SUPT3H: variants seen among roughly 807,000 people sequenced by gnomAD.
SUPT3H encodes SPT3 homolog, SAGA and STAGA complex component, also known as transcription initiation protein SPT3 homolog.
Under a neutral mutation model 44.3 loss-of-function variants are expected in SUPT3H, and 44 were observed. The ratio of observed to expected loss-of-function variants is 0.99; its 90% CI spans 0.78 to 1.28. The LOEUF (loss-of-function observed/expected upper bound fraction) is 1.28, where lower values mean the gene tolerates loss of function less well. Ranked by LOEUF, SUPT3H falls within the 50% of genes most tolerant of loss-of-function variation. The pLI, the probability that SUPT3H is intolerant of heterozygous loss-of-function variation, is 0.00. For synonymous variants in SUPT3H, 124 were observed against 125.6 expected (o/e 0.99, Z 0.09); for missense variants, 380 against 387.1 (o/e 0.98, Z 0.15).
chr6:45,287,388 A>G (rs1779498766), intron 2 of SUPT3H, among the ~76,000 whole-genome samples: 1 of 152,214 alleles, frequency 6.6e-6, no homozygotes, highest in Admixed American at 6.5e-5. Context: ...AAACTGATAA[A>G]CAAAATGCTG....
At chr6:45,072,457 T>A (rs971697292) in intron 3 of SUPT3H, among the ~76,000 whole-genome samples, 1 of 152,174 alleles carries the variant, frequency 6.6e-6, no homozygotes. Context: ...AATATTGCAG[T>A]GAAAATTTCA....
At chr6:44,960,603 TA>T (rs1775892662) in intron 7 of SUPT3H, among the ~76,000 whole-genome samples, 1 of 152,020 alleles carries the variant, frequency 6.6e-6, no homozygotes, top group South Asian at 2.1e-4. Context: ...AAATATAATT[TA>T]AAAAAATAGT....
chr6:44,951,660 A>G (rs548397996), intron 9 of SUPT3H, among the ~76,000 whole-genome samples: 165 of 152,290 alleles, frequency 1.1e-3, no homozygotes, highest in Non-Finnish European at 1.6e-4. Flanking sequence ...ATTCCTCTCA[A>G]CTGCTGGGTA....
chr6:44,961,955 A>G, intron 6 of SUPT3H, 127 bp from the exon 7 acceptor site: 1 of 596,018 alleles, frequency 1.7e-6, no homozygotes. Context: ...TAGTACTACC[A>G]CATAGATCAC....
chr6:45,020,938 G>C (rs1323826463), intron 3 of SUPT3H, among the ~76,000 whole-genome samples: 2 of 151,876 alleles, frequency 1.3e-5, no homozygotes, highest in Admixed American at 1.3e-4. Flanking sequence ...ATGATTTCAT[G>C]AAATTTTATC....
chr6:44,809,748 C>T (rs1157209613), intron 11 of SUPT3H, among the ~76,000 whole-genome samples: 2 of 152,144 alleles, frequency 1.3e-5, no homozygotes, highest in Non-Finnish European at 2.9e-5. Flanking sequence ...AATCCACACT[C>T]CATAAATGCC....
intron 2 of SUPT3H, among the ~76,000 whole-genome samples, chr6:45,124,452 T>G (rs574988990): frequency 6.6e-6 from 1 of 151,856 alleles, no homozygotes; most frequent in Non-Finnish European, 1.5e-5. Flanking sequence ...AAGACCAGCC[T>G]GGCCAATATG....
chr6:44,924,786 G>C (rs923944259), intron 10 of SUPT3H, among the ~76,000 whole-genome samples: 2 of 151,760 alleles, frequency 1.3e-5, no homozygotes, highest in Admixed American at 1.3e-4. Context: ...CATATGTTTG[G>C]TTTCCAATCT....
At chr6:45,326,209 A>T (rs1786312073) in intron 2 of SUPT3H, among the ~76,000 whole-genome samples, 1 of 151,928 alleles carries the variant, frequency 6.6e-6, no homozygotes, top group Non-Finnish European at 1.5e-5. Context: ...AAGATGTTTC[A>T]GTGAATGCTA....
In SUPT3H at chr6:45,014,891, T is replaced by C. The variant is rs1373889123; in HGVS notation, c.274A>G (p.Lys92Glu). The change falls in exon 5 of 11, where the codon AAA becomes GAA. Residue 92 changes from lysine to glutamate, a missense_variant and splice_region_variant. Lys to Glu is a moderately conservative substitution (Grantham distance 56). Transcript: ENST00000371459. ...TATTTTAGCAGTCTTCTAAGTTTTTTCTATTAAAAATATAAAATAAGTAAA... is the reference window on the plus strand; with the variant it reads ...TATTTTAGCAGTCTTCTAAGTTTTTCCTATTAAAAATATAAAATAAGTAAA... The part of the protein sequence containing the change: ...DLLFLMRKDK[K>E]KLRRLLKYMF... The C allele has an allele frequency of 3.9e-6, 6 of 1,521,922 alleles. No homozygotes were observed. The highest frequency in any genetic ancestry group is 4.4e-6 in the Non-Finnish European group (5 of 1,135,558). 94.3% of individuals were successfully genotyped at this position (1,521,922 alleles called of 1,614,324 possible).
rs774806117 is a variant in SUPT3H, at chr6:44,828,916, G to GAGTT, written c.*896_*899dup. ...CTGCTATATTTTGGTTTGTTCCAAAGAGTTACGGTTCCTCATTTACTGGAG... is the reference window on the plus strand; with the variant it reads ...CTGCTATATTTTGGTTTGTTCCAAAGAGTTAGTTACGGTTCCTCATTTACTGGAG... On this transcript the variant is annotated 3_prime_UTR_variant, in exon 11 of 11. Transcript: ENST00000371459. The GAGTT allele has an allele frequency of 6.5e-5, 10 of 152,728 alleles. No homozygotes were observed. Among genetic ancestry groups the GAGTT allele is most frequent in the Middle Eastern group, 3.4e-3 (1 of 294 alleles). 9.5% of individuals were successfully genotyped at this position (152,728 alleles called of 1,614,324 possible).
At chr6:45,132,188 C>T (rs1730009451) in intron 2 of SUPT3H, among the ~76,000 whole-genome samples, 1 of 152,122 alleles carries the variant, frequency 6.6e-6, no homozygotes, top group African/African-American at 2.4e-5. Flanking sequence ...TTTTCCTGCT[C>T]CTGGCACTGG....
At chr6:44,941,278 T>C (rs908136685) in intron 9 of SUPT3H, among the ~76,000 whole-genome samples, 1 of 152,150 alleles carries the variant, frequency 6.6e-6, no homozygotes, top group Admixed American at 6.5e-5. Context: ...ATTAACCTTT[T>C]GTTTCCATGT....
At chr6:45,317,592 AG>A (rs541781912) in intron 2 of SUPT3H, among the ~76,000 whole-genome samples, 4 of 152,148 alleles carry the variant, frequency 2.6e-5, no homozygotes, top group Non-Finnish European at 4.4e-5. Flanking sequence ...AAATGAGGGA[AG>A]GATAGTCTCT....
At chr6:45,318,290 A>G (rs908158250) in intron 2 of SUPT3H, among the ~76,000 whole-genome samples, 1 of 152,132 alleles carries the variant, frequency 6.6e-6, no homozygotes, top group Admixed American at 6.6e-5. Flanking sequence ...TGCACAGAGG[A>G]TATTTAGGGC....
At chr6:45,019,779 A>C (rs1395975928) in intron 4 of SUPT3H, among the ~76,000 whole-genome samples, 1 of 152,026 alleles carries the variant, frequency 6.6e-6, no homozygotes, top group East Asian at 1.9e-4. Flanking sequence ...ACAACCTTGA[A>C]GTTTCATGAG....
chr6:45,076,430 A>C (rs374881372), intron 3 of SUPT3H, among the ~76,000 whole-genome samples: 4 of 151,998 alleles, frequency 2.6e-5, no homozygotes, highest in African/African-American at 9.7e-5. Flanking sequence ...TACATCCTAC[A>C]GGTAATGATT....
intron 5 of SUPT3H, among the ~76,000 whole-genome samples, chr6:45,009,795 C>A (rs922327467): frequency 6.6e-6 from 1 of 152,100 alleles, no homozygotes; most frequent in Non-Finnish European, 1.5e-5. Flanking sequence ...TTCTAGTTCC[C>A]TCACGACCTA....
rs752887669 is a variant in SUPT3H at position 45,295,524 on chromosome 6, C to CAAAAAAA, written c.101+69670_101+69676dup. 1.9e-3 allele frequency among the ~76,000 whole-genome samples: 78 copies of CAAAAAAA among 40,084 alleles called. 3 individuals carry two copies. Among genetic ancestry groups the CAAAAAAA allele is most frequent in the Admixed American group, 3.6e-3 (8 of 2,246 alleles). 26.3% of individuals were successfully genotyped at this position (40,084 alleles called of 152,430 possible). On this transcript the variant is annotated intron_variant, in intron 2 of 10. Transcript: ENST00000371459. ...ATTAAACGAAAGAGCTTTTGCACAG[C>CAAAAAAA]AAAAAAAAAAAAAAAAAAAAAAAAA... is the stretch of plus-strand genomic sequence containing the variant.
Sources: gnomAD v4.1 joint callset for allele counts (sites outside exome capture counted in the v4.1 genomes callset) on GRCh38, gnomAD v4.1.1 for gene constraint, MANE v1.5 for transcripts, NCBI Gene and HGNC (gene_info 2026-07-23, HGNC 2026-07-21) for gene names.